Variants in NETO1 observed in about 807,000 individuals in gnomAD.
The protein encoded by NETO1 is neuropilin and tolloid-like protein 1.
In NETO1, 26 loss-of-function variants were observed where a neutral mutation model predicts 61.3. The ratio of observed to expected loss-of-function variants is 0.42; its 90% CI spans 0.31 to 0.59. The LOEUF (loss-of-function observed/expected upper bound fraction) is 0.59. Among genes scored for constraint, NETO1 ranks in the 20% least tolerant of loss-of-function variants. NETO1 has a pLI of 0.12. For synonymous variants in NETO1, 225 were observed against 225.8 expected, an observed-to-expected ratio of 1.00 and a Z score of 0.03; for missense variants, 531 against 662.8, an observed-to-expected ratio of 0.80 and a Z score of 2.18.
chr18:72,858,786 G>A (rs910291689), intron 4 of NETO1, 40 bp downstream of exon 4: 6 of 1,541,098 alleles, frequency 3.9e-6, no homozygotes, highest in South Asian at 1.3e-5. Context: ...ATAGAAAAAT[G>A]AGGAAGAAAA....
At chr18:72,825,013 T>A (rs890465823) in intron 4 of NETO1, among the ~76,000 whole-genome samples, 38 of 152,152 alleles carry the variant, frequency 2.5e-4, no homozygotes, top group African/African-American at 8.9e-4. Flanking sequence ...AAACAAGAAA[T>A]CTACAGCCAT....
chr18:72,823,558 G>A (rs896902273), intron 4 of NETO1, among the ~76,000 whole-genome samples: 3 of 152,070 alleles, frequency 2.0e-5, no homozygotes, highest in East Asian at 1.9e-4. Flanking sequence ...CCGAGTGGCC[G>A]CGGCCGTGTG....
intron 4 of NETO1, among the ~76,000 whole-genome samples, chr18:72,854,338 A>G (rs977346355): frequency 2.6e-5 from 4 of 152,176 alleles, no homozygotes; most frequent in Non-Finnish European, 4.4e-5. Context: ...CTTAATTTCA[A>G]TTTCTCCAGT....
intron 3 of NETO1, among the ~76,000 whole-genome samples, chr18:72,861,751 T>C (rs1195318813): frequency 6.6e-6 from 1 of 152,154 alleles, no homozygotes; most frequent in Non-Finnish European, 1.5e-5. Context: ...TATCCCTCTT[T>C]CTCTTCTATT....
At chr18:72,855,889 T>C (rs1411795511) in intron 4 of NETO1, among the ~76,000 whole-genome samples, 1 of 152,204 alleles carries the variant, frequency 6.6e-6, no homozygotes, top group African/African-American at 2.4e-5. Context: ...ATGCATGCTA[T>C]ACATCTCAAC....
intron 4 of NETO1, among the ~76,000 whole-genome samples, chr18:72,824,587 G>C (rs937025626): frequency 4.6e-5 from 7 of 152,112 alleles, no homozygotes; most frequent in African/African-American, 1.7e-4. Context: ...ATTTGGTGCC[G>C]GGCGTGGTGG....
At chr18:72,865,635 G>A (rs1338471531) in intron 1 of NETO1, 1 of 1,591,406 alleles carries the variant, frequency 6.3e-7, no homozygotes, top group East Asian at 2.2e-5. Context: ...TAAAAAGGAG[G>A]AAAAGGAGAG....
At position 72,750,237 on chromosome 18, in the gene NETO1, T is replaced by C. The variant is rs2070549353; in HGVS notation, c.1366A>G (p.Thr456Ala). 6.2e-7 allele frequency: 1 copy of C among 1,613,964 alleles called. No individual in the cohort carries two copies. The highest frequency in any genetic ancestry group is 1.7e-5 in the Admixed American group (1 of 59,982). Residue 456 changes from threonine (T) to alanine (A), a missense_variant, in exon 9 of 11, where the codon ACA (threonine) becomes GCA (alanine). By Grantham distance (58) the Thr-to-Ala change is moderately conservative (BLOSUM62 0). Transcript: ENST00000327305. ...TTTCCTGGCTGTGTGGGCATCTCTG[T>C]CAAGATAGAAGCATCTCTTGTGCTG... The part of the protein sequence containing the change: ...NLSTRDASIL[T>A]EMPTQPGKPL...
chr18:72,755,080 T>C (rs1435471345), intron 8 of NETO1, among the ~76,000 whole-genome samples: 3 of 152,218 alleles, frequency 2.0e-5, no homozygotes, highest in Admixed American at 6.5e-5. Context: ...TCCATTCACA[T>C]TTGTTGCATG....
intron 6 of NETO1, among the ~76,000 whole-genome samples, chr18:72,784,150 A>T (rs1244088205): frequency 6.6e-6 from 1 of 152,096 alleles, no homozygotes; most frequent in Non-Finnish European, 1.5e-5. Context: ...TTTTTACCCA[A>T]ATTCGCTTTA....
intron 4 of NETO1, among the ~76,000 whole-genome samples, chr18:72,802,064 A>G (rs1346958579): frequency 6.6e-6 from 1 of 152,164 alleles, no homozygotes; most frequent in Non-Finnish European, 1.5e-5. Flanking sequence ...TCCACTTTAT[A>G]GATGTTAATA....
intron 4 of NETO1, among the ~76,000 whole-genome samples, chr18:72,840,768 C>T (rs1478304294): frequency 6.6e-6 from 1 of 152,080 alleles, no homozygotes; most frequent in Non-Finnish European, 1.5e-5. Context: ...CCTAGTGAGA[C>T]CAGTCAATGT....
At chr18:72,821,419 A>G (rs1222205783) in intron 4 of NETO1, among the ~76,000 whole-genome samples, 1 of 139,380 alleles carries the variant, frequency 7.2e-6, no homozygotes, top group Non-Finnish European at 1.6e-5. Context: ...AAAAAAAAAT[A>G]GCCAGGCGTG....
chr18:72,846,956 C>T (rs1599144550), intron 4 of NETO1, among the ~76,000 whole-genome samples: 1 of 152,224 alleles, frequency 6.6e-6, no homozygotes, highest in African/African-American at 2.4e-5. Context: ...GTACGCATTC[C>T]TTTCAGACTG....
intron 8 of NETO1, among the ~76,000 whole-genome samples, chr18:72,751,485 C>T (rs937044778): frequency 1.3e-5 from 2 of 152,294 alleles, no homozygotes; most frequent in Non-Finnish European, 1.5e-5. Context: ...GGGAAAGCTA[C>T]CAGCATTTCT....
chr18:72,757,429 A>G (rs1281289666), intron 7 of NETO1, among the ~76,000 whole-genome samples: 2 of 151,952 alleles, frequency 1.3e-5, no homozygotes, highest in Non-Finnish European at 2.9e-5. Context: ...TCTGAAAACC[A>G]AAAGTAAGGC....
In NETO1 at chr18:72,865,213, C is replaced by T; in HGVS notation, c.57G>A (p.Leu19=). 1 of 1,613,170 alleles carries T rather than the reference C, an allele frequency of 6.2e-7. No homozygotes were observed. Among genetic ancestry groups the T allele is most frequent in the Non-Finnish European group, 8.5e-7 (1 of 1,179,606 alleles). Residue 19 remains leucine (L), a synonymous_variant, in exon 2 of 11, where the codon TTG becomes TTA. Transcript: ENST00000327305. ...HIVASLIILH[L]SGATKKGTEK... ...CTGTTCCTTTCTTGGTTGCCCCAGA[C>T]AAATGGAGGATGATTAAACTTGCTA...
chr18:72,864,063 A>G (rs561631601), intron 3 of NETO1, among the ~76,000 whole-genome samples: 1 of 152,248 alleles, frequency 6.6e-6, no homozygotes, highest in South Asian at 2.1e-4. Flanking sequence ...TACCAAAAAT[A>G]CAAAAATTAG....
rs1361766551 is a variant in NETO1 at position 72,867,890 on chromosome 18, G to C, written c.-599C>G. The C allele has an allele frequency of 6.6e-6, 1 of 152,496 alleles. No individual in the cohort carries two copies. The highest frequency in any genetic ancestry group is 1.5e-5 in the Non-Finnish European group (1 of 67,926). The allele number at this position is 152,496 out of a possible 1,614,324, so 9.4% of individuals were successfully genotyped here. A position where few individuals can be genotyped will look rare whatever the true frequency, so the allele number is the denominator to read the frequency against. ...AGGATGTCCAGCGGCAGCGCTCCTCGCTCCAGCCCTTGGGGATCTTCCGCT... is the reference window on the plus strand; with the variant it reads ...AGGATGTCCAGCGGCAGCGCTCCTCCCTCCAGCCCTTGGGGATCTTCCGCT... On this transcript the variant is annotated 5_prime_UTR_variant, in exon 1 of 11. Transcript: ENST00000327305.
Sources: gnomAD v4.1 joint callset for allele counts (sites outside exome capture counted in the v4.1 genomes callset) on GRCh38, gnomAD v4.1.1 for gene constraint, MANE v1.5 for transcripts, NCBI Gene and HGNC (gene_info 2026-07-23, HGNC 2026-07-21) for gene names.